The following LRFN5 variants were observed in gnomAD, a reference collection of about 807,000 sequenced individuals.
LRFN5 encodes the protein leucine-rich repeat and fibronectin type-III domain-containing protein 5.
In LRFN5, 24 loss-of-function variants were observed where a neutral mutation model predicts 45.6. The ratio of observed to expected loss-of-function variants is 0.53; its 90% CI spans 0.38 to 0.74. LRFN5 has a LOEUF of 0.74. Among genes scored for constraint, LRFN5 ranks in the 30% least tolerant of loss-of-function variants. The pLI is 0.00. For missense variants in LRFN5, 776 were observed against 861.5 expected (o/e 0.90, Z 1.24); for synonymous variants, 340 against 313.8 (o/e 1.08, Z -0.88).
intron 1 of LRFN5, among the ~76,000 whole-genome samples, chr14:41,692,199 A>C (rs1882406975): frequency 1.3e-5 from 2 of 152,138 alleles, no homozygotes. Context: ...CAACTTGTAC[A>C]AAAGTGTTAT....
intron 2 of LRFN5, among the ~76,000 whole-genome samples, chr14:41,853,924 A>G (rs1005395754): frequency 6.6e-6 from 1 of 152,144 alleles, no homozygotes; most frequent in Non-Finnish European, 1.5e-5. Flanking sequence ...TTCTAAACCA[A>G]TCAGTATTCT....
chr14:41,866,864 C>T (rs897503241), intron 2 of LRFN5, among the ~76,000 whole-genome samples: 1 of 152,052 alleles, frequency 6.6e-6, no homozygotes, highest in Non-Finnish European at 1.5e-5. Flanking sequence ...AGTGTTGTCT[C>T]CCACAAGTAA....
chr14:41,739,607 AAAG>A (rs1239367648), intron 1 of LRFN5, among the ~76,000 whole-genome samples: 2 of 152,008 alleles, frequency 1.3e-5, no homozygotes, highest in Admixed American at 6.6e-5. Flanking sequence ...CACCTACATC[AAAG>A]AAGAAGAAAG....
chr14:41,648,160 A>G (rs1004026627), intron 1 of LRFN5, among the ~76,000 whole-genome samples: 13 of 152,192 alleles, frequency 8.5e-5, no homozygotes, highest in African/African-American at 3.1e-4. Flanking sequence ...CAATAAAACA[A>G]TATAATAATT....
At chr14:41,835,913 C>T (rs1303976352) in intron 2 of LRFN5, among the ~76,000 whole-genome samples, 8 of 146,824 alleles carry the variant, frequency 5.4e-5, no homozygotes, top group Non-Finnish European at 3.0e-5. Flanking sequence ...AAAAGTTTTT[C>T]TTTTCTTTTT....
At chr14:41,774,371 CTT>C (rs1025958854) in intron 2 of LRFN5, among the ~76,000 whole-genome samples, 2 of 152,138 alleles carry the variant, frequency 1.3e-5, no homozygotes, top group African/African-American at 4.8e-5. Context: ...TGAGGCATCT[CTT>C]ATCAATATGA....
intron 2 of LRFN5, among the ~76,000 whole-genome samples, chr14:41,799,688 A>G (rs987840976): frequency 4.6e-5 from 7 of 151,896 alleles, no homozygotes; most frequent in African/African-American, 1.2e-4. Context: ...TTCTTTCTGA[A>G]TTGATTTACT....
chr14:41,791,570 G>T (rs940983963), intron 2 of LRFN5, among the ~76,000 whole-genome samples: 5 of 151,952 alleles, frequency 3.3e-5, no homozygotes, highest in African/African-American at 1.2e-4. Flanking sequence ...TCTGATATGG[G>T]AAGTAAAAAT....
chr14:41,838,444 C>T (rs1025986508), intron 2 of LRFN5, among the ~76,000 whole-genome samples: 2 of 152,008 alleles, frequency 1.3e-5, no homozygotes, highest in Admixed American at 6.6e-5. Context: ...AGTATCTGCC[C>T]GCACCATACA....
chr14:41,833,388 C>T, intron 2 of LRFN5, among the ~76,000 whole-genome samples: 1 of 152,168 alleles, frequency 6.6e-6, no homozygotes, highest in East Asian at 1.9e-4. Flanking sequence ...CCACATCCGC[C>T]TTCTATAGAA....
At chr14:41,754,962 G>T (rs1347954851) in intron 1 of LRFN5, among the ~76,000 whole-genome samples, 1 of 151,928 alleles carries the variant, frequency 6.6e-6, no homozygotes, top group Non-Finnish European at 1.5e-5. Context: ...CTTGTATGTT[G>T]TGTCTTTGTT....
chr14:41,813,102 T>C (rs1184169063), intron 2 of LRFN5, among the ~76,000 whole-genome samples: 3 of 151,658 alleles, frequency 2.0e-5, no homozygotes, highest in East Asian at 3.9e-4. Context: ...AATTTGAAGA[T>C]GACTGTGAAT....
chr14:41,773,166 T>C (rs935650962), intron 2 of LRFN5, among the ~76,000 whole-genome samples: 1 of 152,128 alleles, frequency 6.6e-6, no homozygotes, highest in African/African-American at 2.4e-5. Context: ...TTGTCCCCCA[T>C]CATGCCCTTC....
At chr14:41,618,434 A>C (rs1005115541) in intron 1 of LRFN5, among the ~76,000 whole-genome samples, 1 of 152,196 alleles carries the variant, frequency 6.6e-6, no homozygotes, top group African/African-American at 2.4e-5. Flanking sequence ...AAAAAATGTT[A>C]CCATTATGTG....
At chr14:41,698,396 G>A (rs1041941660) in intron 1 of LRFN5, among the ~76,000 whole-genome samples, 2 of 152,020 alleles carry the variant, frequency 1.3e-5, no homozygotes, top group Middle Eastern at 3.2e-3. Flanking sequence ...GCCAAATGAT[G>A]TTTTTTGCAC....
intron 1 of LRFN5, among the ~76,000 whole-genome samples, chr14:41,669,476 CATT>C (rs1881062534): frequency 6.6e-6 from 1 of 151,882 alleles, no homozygotes; most frequent in Non-Finnish European, 1.5e-5. Flanking sequence ...TTATATCTAA[CATT>C]AGAATCCTAT....
At chr14:41,747,178 AT>A (rs1401388297) in intron 1 of LRFN5, among the ~76,000 whole-genome samples, 1 of 152,004 alleles carries the variant, frequency 6.6e-6, no homozygotes, top group East Asian at 1.9e-4. Context: ...TGTTGAAGAA[AT>A]TTTTAAAAAT....
At chr14:41,753,251 T>G (rs187761379) in intron 1 of LRFN5, among the ~76,000 whole-genome samples, 2 of 151,356 alleles carry the variant, frequency 1.3e-5, no homozygotes, top group Non-Finnish European at 2.9e-5. Context: ...CGATGCGGGC[T>G]CTTTTTTGGT....
At chr14:41,768,371 A>G (rs192299721) in intron 2 of LRFN5, among the ~76,000 whole-genome samples, 224 of 152,260 alleles carry the variant, frequency 1.5e-3, no homozygotes, top group African/African-American at 5.2e-3. Flanking sequence ...AAATGTGATG[A>G]TGGTGTAAAA....
Sources: allele counts gnomAD v4.1 joint callset (sites outside exome capture counted in the v4.1 genomes callset), GRCh38; gene constraint gnomAD v4.1.1; transcripts MANE v1.5; gene names NCBI Gene and HGNC (gene_info 2026-07-23, HGNC 2026-07-21).